Variants in MEMO1 observed in about 807,000 individuals in gnomAD.
MEMO1 encodes the protein protein MEMO1.
Under a neutral mutation model 45.2 loss-of-function variants are expected in MEMO1, and 6 were observed. The observed-to-expected ratio is 0.13, with a 90% CI of 0.07 to 0.26. MEMO1 has a LOEUF of 0.26. MEMO1 is among the 10% of genes least tolerant of loss of function. MEMO1 has a pLI of 1.00. For missense variants in MEMO1, 184 were observed against 370.5 expected, an observed-to-expected ratio of 0.50 and a Z score of 4.13; for synonymous variants, 78 against 124.3, an observed-to-expected ratio of 0.63 and a Z score of 2.48.
chr2:31,925,475 CA>C lies in MEMO1; in HGVS notation c.213-4566del, dbSNP rs70964741. Among the ~76,000 whole-genome samples the C allele has an allele frequency of 5.0e-3, 392 of 79,170 alleles. 2 individuals carry two copies. Among genetic ancestry groups the C allele is most frequent in the African/African-American group, 9.3e-3 (133 of 14,280 alleles). The allele number at this position is 79,170 out of a possible 152,430, so 51.9% of individuals were successfully genotyped here. A position where few individuals can be genotyped will look rare whatever the true frequency, so the allele number is the denominator to read the frequency against. On this transcript the variant is annotated intron_variant, in intron 4 of 9. Coordinates refer to ENST00000404530, the MANE Select transcript of MEMO1 (RefSeq NM_001301833.4). The stretch of plus-strand genomic sequence containing the variant: ...TGGGGGACAGAGCAAGACTCCGTCT[CA>C]AAAAAAAAAAAAAAAAAAAAAAATC...
rs141053729 is a variant in MEMO1, at chr2:31,887,204, C to G, written c.581-3742G>C. Among the ~76,000 whole-genome samples, 509 of 152,226 alleles carry G rather than the reference C, an allele frequency of 3.3e-3. 3 individuals carry two copies. The highest frequency in any genetic ancestry group is 0.012 in the African/African-American group (496 of 41,546). ...CCAGGGATGTCTGTTTAACACACAA[C>G]AATCAACTAATGAGGACAAACATAA... On this transcript the variant is annotated intron_variant, in intron 7 of 9. Coordinates refer to ENST00000404530, the MANE Select transcript of MEMO1 (RefSeq NM_001301833.4).
chr2:31,891,217 T>C (rs1676929610), intron 7 of MEMO1, among the ~76,000 whole-genome samples: 1 of 152,196 alleles, frequency 6.6e-6, no homozygotes, highest in African/African-American at 2.4e-5. Context: ...GATATTGGCA[T>C]CTTAAACCAA....
At chr2:31,999,786 G>C (rs1673048326) in intron 2 of MEMO1, among the ~76,000 whole-genome samples, 1 of 151,870 alleles carries the variant, frequency 6.6e-6, no homozygotes, top group Non-Finnish European at 1.5e-5. Context: ...GCCTGCTCTA[G>C]CCTCAGAACC....
intron 2 of MEMO1, among the ~76,000 whole-genome samples, chr2:31,972,853 A>G (rs930278321): frequency 2.4e-4 from 37 of 152,242 alleles, no homozygotes; most frequent in Non-Finnish European, 4.4e-5. Flanking sequence ...TAGGACTTAA[A>G]TAGACATTTC....
At chr2:31,955,165 A>T (rs1043821475) in intron 2 of MEMO1, among the ~76,000 whole-genome samples, 1 of 151,914 alleles carries the variant, frequency 6.6e-6, no homozygotes. Flanking sequence ...TGAGTCCAGG[A>T]GGTCAAATCT....
chr2:31,940,127 T>C (rs891326619), intron 3 of MEMO1, among the ~76,000 whole-genome samples: 1 of 152,170 alleles, frequency 6.6e-6, no homozygotes, highest in Non-Finnish European at 1.5e-5. Context: ...TCTCCCTTCA[T>C]TATCTCCTTT....
chr2:31,972,773 A>C (rs1669561845), intron 2 of MEMO1, among the ~76,000 whole-genome samples: 1 of 152,212 alleles, frequency 6.6e-6, no homozygotes, highest in Admixed American at 6.6e-5. Flanking sequence ...ATACAGGATT[A>C]ATACCCAGAA....
At chr2:31,889,730 A>G (rs1288071303) in intron 7 of MEMO1, among the ~76,000 whole-genome samples, 1 of 152,068 alleles carries the variant, frequency 6.6e-6, no homozygotes, top group Non-Finnish European at 1.5e-5. Flanking sequence ...ACCCCAACAT[A>G]TTTCTCAATA....
chr2:32,002,168 A>AAAAT (rs1553383012), intron 2 of MEMO1, among the ~76,000 whole-genome samples: 71 of 74,838 alleles, frequency 9.5e-4, no homozygotes, highest in Non-Finnish European at 1.2e-3. Context: ...AAAAAAAAAA[A>AAAAT]ATATATATAT....
intron 6 of MEMO1, among the ~76,000 whole-genome samples, chr2:31,901,593 G>A (rs1678825832): frequency 6.6e-6 from 1 of 151,890 alleles, no homozygotes; most frequent in Non-Finnish European, 1.5e-5. Flanking sequence ...ATGAACACCA[G>A]GTTTCTTTTT....
chr2:31,911,768 G>C (rs1011018584), intron 6 of MEMO1, among the ~76,000 whole-genome samples: 4 of 152,044 alleles, frequency 2.6e-5, no homozygotes, highest in African/African-American at 9.7e-5. Context: ...AGCCTCCCAA[G>C]TAGCTGGGAC....
intron 2 of MEMO1, among the ~76,000 whole-genome samples, chr2:31,997,252 T>C (rs1280412939): frequency 1.3e-5 from 2 of 152,116 alleles, no homozygotes; most frequent in African/African-American, 4.8e-5. Context: ...CAAAGGTACA[T>C]GATAACAGCA....
intron 2 of MEMO1, among the ~76,000 whole-genome samples, chr2:31,982,561 C>T (rs1670772592): frequency 6.7e-6 from 1 of 148,226 alleles, no homozygotes; most frequent in Non-Finnish European, 1.5e-5. Context: ...TGCACTCCAG[C>T]CTGGGCAACA....
intron 4 of MEMO1, chr2:31,923,778 A>G (rs974438066): frequency 9.9e-6 from 15 of 1,509,498 alleles, no homozygotes; most frequent in Non-Finnish European, 1.3e-5. Context: ...TAAAATAACA[A>G]TCTAAATTCA....
chr2:32,005,674 G>A (rs146826867), intron 2 of MEMO1, among the ~76,000 whole-genome samples: 11 of 151,946 alleles, frequency 7.2e-5, no homozygotes, highest in East Asian at 5.8e-4. Context: ...CAGCCCCACC[G>A]CTCTTCAGAA....
At chr2:31,927,911 T>C (rs986756716) in intron 4 of MEMO1, among the ~76,000 whole-genome samples, 1 of 152,198 alleles carries the variant, frequency 6.6e-6, no homozygotes, top group Non-Finnish European at 1.5e-5. Context: ...ATTAAATTTT[T>C]AGCTTTTAAT....
intron 7 of MEMO1, 148 bp from the exon 8 acceptor site, chr2:31,883,610 T>C: frequency 1.8e-6 from 1 of 567,834 alleles, no homozygotes; most frequent in Non-Finnish European, 3.1e-6. Context: ...CCCTTGTACA[T>C]AAAAATAAAA....
rs1558542057 is a variant in MEMO1 at position 31,969,593 on chromosome 2, GTGTGTGTGT to G, written c.62-26219_62-26211del. ...TCTGGGGGTGTGTGTGTGGGTGTGT[GTGTGTGTGT>G]GTGTGTGTGTGTGTGTGTGTGTGTG... is the stretch of plus-strand genomic sequence containing the variant. On this transcript the variant is annotated intron_variant, in intron 2 of 9. Transcript: ENST00000404530. 8.7e-4 allele frequency among the ~76,000 whole-genome samples: 60 copies of G among 68,932 alleles called. 1 individual carries two copies. Among genetic ancestry groups the G allele is most frequent in the African/African-American group, 2.4e-3 (57 of 23,924 alleles). The allele number at this position is 68,932 out of a possible 152,430, so 45.2% of individuals were successfully genotyped here. A position where few individuals can be genotyped will look rare whatever the true frequency, so the allele number is the denominator to read the frequency against.
intron 2 of MEMO1, among the ~76,000 whole-genome samples, chr2:31,992,021 G>A (rs2148550134): frequency 6.6e-6 from 1 of 152,216 alleles, no homozygotes; most frequent in African/African-American, 2.4e-5. Context: ...CATCTCAGAG[G>A]AATATTCTGA....
Sources: gnomAD v4.1 joint callset for allele counts (sites outside exome capture counted in the v4.1 genomes callset) on GRCh38, gnomAD v4.1.1 for gene constraint, MANE v1.5 for transcripts, NCBI Gene and HGNC (gene_info 2026-07-23, HGNC 2026-07-21) for gene names.